ZNF267: variants seen among roughly 807,000 people sequenced by gnomAD.
The protein encoded by ZNF267 is zinc finger (C2H2).
In ZNF267, 61 loss-of-function variants were observed where a neutral mutation model predicts 71.6. The ratio of observed to expected loss-of-function variants is 0.85; its 90% CI spans 0.69 to 1.05. The LOEUF is 1.05. Ranked by LOEUF, ZNF267 falls within the 50% of genes least tolerant of loss-of-function variation. ZNF267 has a pLI of 0.00. For missense variants in ZNF267, 852 were observed against 870.0 expected, an observed-to-expected ratio of 0.98 and a Z score of 0.26; for synonymous variants, 288 against 293.2, an observed-to-expected ratio of 0.98 and a Z score of 0.18.
rs1269719834 is a variant in ZNF267 at position 31,915,121 on chromosome 16, G to C, written c.872G>C (p.Arg291Thr). The change falls in exon 4 of 4, where the codon AGA (arginine) becomes ACA (threonine). Residue 291 changes from arginine (R) to threonine (T), a missense_variant. Transcript: ENST00000300870. Reference protein sequence around the residue: ...KHIQHQTIHIRENSYSYNKYD... With the variant: ...KHIQHQTIHITENSYSYNKYD... ...ATTCAACATCAGACCATCCATATCAGAGAAAACTCATATAGCTATAACAAA... is the reference window on the plus strand; with the variant it reads ...ATTCAACATCAGACCATCCATATCACAGAAAACTCATATAGCTATAACAAA... 2 of 1,613,266 alleles carry C rather than the reference G, an allele frequency of 1.2e-6. No individual in the cohort carries two copies. The highest frequency in any genetic ancestry group is 2.2e-5 in the South Asian group (2 of 90,870).
chr16:31,891,814 C>T (rs1040160764), intron 3 of ZNF267, among the ~76,000 whole-genome samples: 3 of 151,992 alleles, frequency 2.0e-5, no homozygotes, highest in Admixed American at 6.5e-5. Context: ...GTTATGAAAA[C>T]GGAGTAATAC....
intron 3 of ZNF267, among the ~76,000 whole-genome samples, chr16:31,909,369 G>T: frequency 6.6e-6 from 1 of 151,966 alleles, no homozygotes; most frequent in Non-Finnish European, 1.5e-5. Flanking sequence ...CTGACCTCAA[G>T]TGATCTGCCC....
intron 3 of ZNF267, among the ~76,000 whole-genome samples, chr16:31,898,975 A>T (rs934730199): frequency 6.6e-6 from 1 of 152,172 alleles, no homozygotes; most frequent in Admixed American, 6.5e-5. Context: ...CAATTCCGCA[A>T]GAAGAGCTAA....
chr16:31,877,079 G>A (rs1278971039), intron 1 of ZNF267, among the ~76,000 whole-genome samples: 2 of 152,062 alleles, frequency 1.3e-5, no homozygotes, highest in Non-Finnish European at 1.5e-5. Flanking sequence ...AGAAACCCAG[G>A]GCACTACAAC....
chr16:31,892,197 C>T (rs868363177), intron 3 of ZNF267, among the ~76,000 whole-genome samples: 1 of 152,126 alleles, frequency 6.6e-6, no homozygotes, highest in African/African-American at 2.4e-5. Context: ...AGGAGCAAGT[C>T]ACATCTTACA....
intron 1 of ZNF267, among the ~76,000 whole-genome samples, chr16:31,881,165 C>G (rs906455137): frequency 4.6e-5 from 7 of 152,140 alleles, no homozygotes; most frequent in African/African-American, 1.4e-4. Flanking sequence ...GGTTAAATTG[C>G]TTGTTGCATG....
At chr16:31,889,363 T>C (rs2083945133) in intron 3 of ZNF267, among the ~76,000 whole-genome samples, 1 of 152,190 alleles carries the variant, frequency 6.6e-6, no homozygotes, top group Admixed American at 6.5e-5. Flanking sequence ...TTAGATTGCT[T>C]ATTTGAGATC....
chr16:31,916,117 G>A lies in ZNF267; in HGVS notation c.1868G>A (p.Arg623Gln), dbSNP rs150146502. Reference protein sequence around the residue: ...FSYSSDVIQHRRIHTGQRPYK... With the variant: ...FSYSSDVIQHQRIHTGQRPYK... Reference sequence around the variant, plus strand: ...TATAGTTCAGATGTTATTCAGCATCGGAGAATTCATACTGGCCAGAGACCC... The same window carrying A: ...TATAGTTCAGATGTTATTCAGCATCAGAGAATTCATACTGGCCAGAGACCC... The change falls in exon 4 of 4, where the codon CGG becomes CAG. Residue 623 changes from arginine (R) to glutamine (Q), a missense_variant. By Grantham distance (43) the Arg-to-Gln change is conservative. Transcript: ENST00000300870. 2.3e-4 allele frequency: 374 copies of A among 1,613,792 alleles called. 1 individual carries two copies. In the African/African-American group the frequency reaches 3.0e-3, roughly 13 times the overall value.
rs537515716 is a variant in ZNF267 at position 31,910,704 on chromosome 16, AT to A, written c.227-3764del. On this transcript the variant is annotated intron_variant, in intron 3 of 3. Transcript: ENST00000300870. Reference sequence around the variant, plus strand: ...AAAAAATCAACTTTTCATTTCATTGATTTTTTTTGTATTTTTTATTTGAATT... The same window carrying A: ...AAAAAATCAACTTTTCATTTCATTGATTTTTTTGTATTTTTTATTTGAATT... Among the ~76,000 whole-genome samples the A allele has an allele frequency of 1.8e-4, 27 of 149,874 alleles. 1 individual carries two copies. The South Asian group carries it at 3.8e-3, about 21-fold the overall frequency.
rs2084174513 is a variant in ZNF267 at position 31,916,121 on chromosome 16, A to G, written c.1872A>G (p.Arg624=). 6.2e-7 allele frequency: 1 copy of G among 1,614,162 alleles called. No homozygotes were observed. Among genetic ancestry groups the G allele is most frequent in the East Asian group, 2.2e-5 (1 of 44,884 alleles). Reference sequence around the variant, plus strand: ...GTTCAGATGTTATTCAGCATCGGAGAATTCATACTGGCCAGAGACCCTACA... The same window carrying G: ...GTTCAGATGTTATTCAGCATCGGAGGATTCATACTGGCCAGAGACCCTACA... ...SYSSDVIQHR[R]IHTGQRPYKC... The change falls in exon 4 of 4, where the codon AGA becomes AGG. Residue 624 remains arginine (R), a synonymous_variant. Transcript: ENST00000300870.
intron 3 of ZNF267, among the ~76,000 whole-genome samples, chr16:31,904,887 T>C (rs1403286722): frequency 6.6e-6 from 1 of 152,260 alleles, no homozygotes; most frequent in Non-Finnish European, 1.5e-5. Context: ...GCCTTGATGG[T>C]CTTTACAGTT....
chr16:31,890,040 T>C (rs2083949545), intron 3 of ZNF267, among the ~76,000 whole-genome samples: 1 of 152,228 alleles, frequency 6.6e-6, no homozygotes, highest in Admixed American at 6.5e-5. Context: ...CTATTTTTGG[T>C]TTAACATATG....
In ZNF267 at chr16:31,916,229, C is replaced by A. The variant is rs1378107365; in HGVS notation, c.1980C>A (p.Tyr660Ter). The change falls in exon 4 of 4, where the codon TAC (tyrosine) becomes TAA (stop). Residue 660 changes from tyrosine (Y) to a stop codon, truncating the protein, a stop_gained. Coordinates refer to ENST00000300870, the MANE Select transcript of ZNF267 (RefSeq NM_003414.6). LOFTEE classifies it high-confidence loss of function. The part of the protein sequence containing the change: ...HQRSHTGERP[Y>*]KCEECGKAFN... ...GAAGTCATACTGGAGAGAGACCCTA[C>A]AAATGTGAAGAATGTGGCAAAGCCT... is the stretch of plus-strand genomic sequence containing the variant. 2 of 1,613,650 alleles carry A rather than the reference C, an allele frequency of 1.2e-6. No individual in the cohort carries two copies. Among genetic ancestry groups the A allele is most frequent in the Non-Finnish European group, 1.7e-6 (2 of 1,179,886 alleles).
chr16:31,902,809 G>A lies in ZNF267; in HGVS notation c.227-11667G>A, dbSNP rs940430357. The stretch of plus-strand genomic sequence containing the variant: ...TTCCTTCTCCTGCCTGATTGCCCTG[G>A]CCAGAACTTCCAACACTATGTTGAA... On this transcript the variant is annotated intron_variant, in intron 3 of 3. Transcript: ENST00000300870. 3.3e-5 allele frequency among the ~76,000 whole-genome samples: 5 copies of A among 152,034 alleles called. No homozygotes were observed. In the East Asian group the frequency reaches 7.7e-4, roughly 23 times the overall value.
rs2084186253 is a variant in ZNF267 at position 31,917,289 on chromosome 16, T to A, written c.*808T>A. ...ATATGCTCTTTGTGTTTGAATAAAG[T>A]AGTAATGCATGTAAACATATACGTG... On this transcript the variant is annotated 3_prime_UTR_variant, in exon 4 of 4. Coordinates refer to ENST00000300870, the MANE Select transcript of ZNF267 (RefSeq NM_003414.6). 6.6e-6 allele frequency: 1 copy of A among 152,082 alleles called. No homozygotes were observed. The highest frequency in any genetic ancestry group is 1.5e-5 in the Non-Finnish European group (1 of 68,026). 9.4% of individuals were successfully genotyped at this position (152,082 alleles called of 1,614,324 possible).
At chr16:31,875,289 G>A in intron 1 of ZNF267, 2 of 1,289,288 alleles carry the variant, frequency 1.6e-6, no homozygotes, top group Non-Finnish European at 2.0e-6. Context: ...CCTCCTGTTA[G>A]AGGACCGCCC....
Position 31,889,045 on chromosome 16 carries a change from A to G in ZNF267, c.226+3789A>G, listed in dbSNP as rs146309187. 3.2e-4 allele frequency among the ~76,000 whole-genome samples: 48 copies of G among 151,618 alleles called. No individual in the cohort carries two copies. The East Asian group carries it at 4.3e-3, about 13-fold the overall frequency. The stretch of plus-strand genomic sequence containing the variant: ...AGTGTGGTGTTCTTTCTAAGAATCA[A>G]TTTCTTCTAAGTTATCTTTTTTTGT... On this transcript the variant is annotated intron_variant, in intron 3 of 3. Transcript: ENST00000300870.
rs747500572 is a variant in ZNF267, at chr16:31,915,152, T to A, written c.903T>A (p.Asp301Glu). 26 of 1,612,924 alleles carry A rather than the reference T, an allele frequency of 1.6e-5. No individual in the cohort carries two copies. The highest frequency in any genetic ancestry group is 2.2e-5 in the Non-Finnish European group (26 of 1,179,652). The change falls in exon 4 of 4, where the codon GAT becomes GAA. Residue 301 changes from aspartate to glutamate, a missense_variant. Coordinates refer to ENST00000300870, the MANE Select transcript of ZNF267 (RefSeq NM_003414.6). ...RENSYSYNKYDKDLSQSSNLR... is the reference protein window; with the variant it reads ...RENSYSYNKYEKDLSQSSNLR... ...ACTCATATAGCTATAACAAATATGATAAAGATCTTAGTCAGTCATCAAATC... is the reference window on the plus strand; with the variant it reads ...ACTCATATAGCTATAACAAATATGAAAAAGATCTTAGTCAGTCATCAAATC...
intron 3 of ZNF267, among the ~76,000 whole-genome samples, chr16:31,899,997 TAC>T (rs530697331): frequency 6.0e-5 from 9 of 150,926 alleles, no homozygotes; most frequent in Admixed American, 1.3e-4. Flanking sequence ...CATATATATA[TAC>T]ACACACACAC....
Sources: allele counts gnomAD v4.1 joint callset (sites outside exome capture counted in the v4.1 genomes callset), GRCh38; gene constraint gnomAD v4.1.1; transcripts MANE v1.5; gene names NCBI Gene and HGNC (gene_info 2026-07-23, HGNC 2026-07-21).